Variants in ZC3H6 observed in about 807,000 individuals in gnomAD.
The protein encoded by ZC3H6 is zinc finger CCCH domain-containing protein 6.
In ZC3H6, 40 loss-of-function variants were observed where a neutral mutation model predicts 107.7. The observed-to-expected ratio is 0.37, with a 90% CI of 0.29 to 0.48. The LOEUF (loss-of-function observed/expected upper bound fraction) is 0.48. Among genes scored for constraint, ZC3H6 ranks in the 20% least tolerant of loss-of-function variants. The pLI, the probability that ZC3H6 is intolerant of heterozygous loss-of-function variation, is 0.98. For synonymous variants in ZC3H6, 493 were observed against 487.9 expected (o/e 1.01, Z -0.14); for missense variants, 1,267 against 1,410.4 (o/e 0.90, Z 1.63).
rs974603370 is a variant in ZC3H6, at chr2:112,324,679, T to C, written c.1852+16T>C. Reference sequence around the variant, plus strand: ...AACTCTGGTGGTAAGTTTACTTTTTTGAAATAATTTATTCCTAATTTAAAA... The same window carrying C: ...AACTCTGGTGGTAAGTTTACTTTTTCGAAATAATTTATTCCTAATTTAAAA... On this transcript the variant is annotated intron_variant, in intron 10 of 11. Transcript: ENST00000409871. The C allele has an allele frequency of 2.9e-6, 4 of 1,383,398 alleles. No individual in the cohort carries two copies. Among genetic ancestry groups the C allele is most frequent in the East Asian group, 4.9e-5 (2 of 40,722 alleles). The allele number at this position is 1,383,398 out of a possible 1,614,324, so 85.7% of individuals were successfully genotyped here.
rs192478517 is a variant in ZC3H6, at chr2:112,301,274, C to T, written c.213+1245C>T. Among the ~76,000 whole-genome samples, 3 of 152,282 alleles carry T rather than the reference C, an allele frequency of 2.0e-5. No homozygotes were observed. The East Asian group carries it at 5.8e-4, about 29-fold the overall frequency. On this transcript the variant is annotated intron_variant, in intron 2 of 11. Transcript: ENST00000409871. Reference sequence around the variant, plus strand: ...GCTGAAAAGATCTGGACCTGATGAACCCCAAATATGAATCAACCAAATTCC... The same window carrying T: ...GCTGAAAAGATCTGGACCTGATGAATCCCAAATATGAATCAACCAAATTCC...
intron 3 of ZC3H6, among the ~76,000 whole-genome samples, chr2:112,308,017 G>A (rs1194030983): frequency 1.3e-5 from 2 of 152,142 alleles, no homozygotes; most frequent in Non-Finnish European, 2.9e-5. Context: ...TATAGTCACA[G>A]TTTTAATAAA....
In ZC3H6 at chr2:112,311,786, A is replaced by G. The variant is rs1269795787; in HGVS notation, c.614-18A>G. 3 of 1,589,600 alleles carry G rather than the reference A, an allele frequency of 1.9e-6. No individual in the cohort carries two copies. The highest frequency in any genetic ancestry group is 2.6e-6 in the Non-Finnish European group (3 of 1,167,816). On this transcript the variant is annotated intron_variant, in intron 4 of 11. Coordinates refer to ENST00000409871, the MANE Select transcript of ZC3H6 (RefSeq NM_198581.3). ...TGCTGTTTTTCTTTTAAATTTAAGTACATTTTAACTTTTCTAGGTATTGAA... is the reference window on the plus strand; with the variant it reads ...TGCTGTTTTTCTTTTAAATTTAAGTGCATTTTAACTTTTCTAGGTATTGAA...
intron 2 of ZC3H6, among the ~76,000 whole-genome samples, chr2:112,301,299 C>G (rs990251565): frequency 6.6e-6 from 1 of 152,144 alleles, no homozygotes; most frequent in Non-Finnish European, 1.5e-5. Context: ...AACCAAATTC[C>G]TTTTTATGAC....
chr2:112,303,403 C>A, intron 3 of ZC3H6, 52 bp downstream of exon 3: 1 of 1,395,022 alleles, frequency 7.2e-7, no homozygotes. Context: ...TAAAATGTAC[C>A]ATTTTAACCC....
intron 1 of ZC3H6, among the ~76,000 whole-genome samples, chr2:112,292,450 A>G (rs1462647973): frequency 6.6e-6 from 1 of 152,254 alleles, no homozygotes; most frequent in East Asian, 1.9e-4. Flanking sequence ...GAGACCAGGC[A>G]TTAGAAGACT....
In ZC3H6 at chr2:112,321,939, T is replaced by C. The variant is rs1481834296; in HGVS notation, c.1086+74T>C. The C allele has an allele frequency of 4.7e-6, 3 of 637,668 alleles. No individual in the cohort carries two copies. The African/African-American group carries it at 5.7e-5, about 12-fold the overall frequency. The allele number at this position is 637,668 out of a possible 1,614,324, so 39.5% of individuals were successfully genotyped here. On this transcript the variant is annotated intron_variant, in intron 8 of 11. Transcript: ENST00000409871. ...GACTTGAATCATATTTTATAAGTGATATTTTATGAAACTGCTGAGAAATTG... is the reference window on the plus strand; with the variant it reads ...GACTTGAATCATATTTTATAAGTGACATTTTATGAAACTGCTGAGAAATTG...
At chr2:112,283,911 T>C (rs1686565645) in intron 1 of ZC3H6, among the ~76,000 whole-genome samples, 1 of 152,260 alleles carries the variant, frequency 6.6e-6, no homozygotes, top group Admixed American at 6.5e-5. Flanking sequence ...TCTTAAAATA[T>C]TAAATTTTAA....
intron 10 of ZC3H6, 125 bp downstream of exon 10, chr2:112,324,788 A>T (rs1472337424): frequency 8.4e-7 from 1 of 1,186,854 alleles, no homozygotes; most frequent in African/African-American, 1.6e-5. Context: ...TGAAACCTTA[A>T]AATGTTTTCA....
In ZC3H6 at chr2:112,332,332, A is replaced by T; in HGVS notation, c.3414A>T (p.Thr1138=). 6.2e-7 allele frequency: 1 copy of T among 1,613,986 alleles called. No individual in the cohort carries two copies. Among genetic ancestry groups the T allele is most frequent in the Non-Finnish European group, 8.5e-7 (1 of 1,179,878 alleles). Residue 1138 remains threonine (T), a synonymous_variant, in exon 12 of 12, where the codon ACA becomes ACT. Coordinates refer to ENST00000409871, the MANE Select transcript of ZC3H6 (RefSeq NM_198581.3). ...AVHSLPVQAL[T]GLIRPQYSDP... is the part of the protein sequence containing the mutation. ...ACAGCCTTCCTGTTCAGGCATTAAC[A>T]GGCTTAATTAGGCCACAGTACAGTG...
intron 1 of ZC3H6, among the ~76,000 whole-genome samples, chr2:112,278,845 T>G (rs1686475074): frequency 2.6e-5 from 4 of 152,224 alleles, no homozygotes; most frequent in Admixed American, 2.6e-4. Context: ...GGTCTTGAAC[T>G]CCTGGGCTCC....
chr2:112,297,755 G>C (rs975333475), intron 1 of ZC3H6, among the ~76,000 whole-genome samples: 1 of 152,000 alleles, frequency 6.6e-6, no homozygotes, highest in South Asian at 2.1e-4. Flanking sequence ...CTTGAGTTTT[G>C]TTACTATCTG....
In ZC3H6 at chr2:112,331,556, G is replaced by T. The variant is rs1159990435; in HGVS notation, c.2638G>T (p.Ala880Ser). Residue 880 changes from alanine to serine, a missense_variant, in exon 12 of 12, where the codon GCT (alanine) becomes TCT (serine). Ala to Ser is a moderately conservative substitution (Grantham distance 99). Coordinates refer to ENST00000409871, the MANE Select transcript of ZC3H6 (RefSeq NM_198581.3). ...CAACTTTGCAAAACACATCGTGTGGGCTCCCGAAGACTTACTTCCAGTACC... is the reference window on the plus strand; with the variant it reads ...CAACTTTGCAAAACACATCGTGTGGTCTCCCGAAGACTTACTTCCAGTACC... Reference protein sequence around the residue: ...KPNFAKHIVWAPEDLLPVPLP... With the variant: ...KPNFAKHIVWSPEDLLPVPLP... 1 of 1,613,798 alleles carries T rather than the reference G, an allele frequency of 6.2e-7. No individual in the cohort carries two copies. The highest frequency in any genetic ancestry group is 8.5e-7 in the Non-Finnish European group (1 of 1,179,888).
chr2:112,332,476 A>C lies in ZC3H6; in HGVS notation c.3558A>C (p.Ser1186=). 6.2e-7 allele frequency: 1 copy of C among 1,604,848 alleles called. No homozygotes were observed. Among genetic ancestry groups the C allele is most frequent in the Non-Finnish European group, 8.5e-7 (1 of 1,176,216 alleles). ...TTAAAACTTTTGATCCAACTGCTTC[A>C]CCATTTTGTTAGCTATTGTGTAACT... ...EVFKTFDPTA[S]PFC is the part of the protein sequence containing the mutation. The change falls in exon 12 of 12, where the codon TCA becomes TCC. Residue 1186 remains serine, a synonymous_variant. Transcript: ENST00000409871.
Position 112,297,025 on chromosome 2 carries a change from G to T in ZC3H6, c.33-2824G>T, listed in dbSNP as rs375213659. ...AGCCAGGTGAAAGAGGTGTGGTGAG[G>T]CTGGTGACATGAGCTGGGCATTGAG... On this transcript the variant is annotated intron_variant, in intron 1 of 11. Coordinates refer to ENST00000409871, the MANE Select transcript of ZC3H6 (RefSeq NM_198581.3). Among the ~76,000 whole-genome samples, 88 of 152,324 alleles carry T rather than the reference G, an allele frequency of 5.8e-4. 2 individuals are homozygous for T. The South Asian group carries it at 0.017, about 30-fold the overall frequency.
chr2:112,291,213 A>T (rs1676107300), intron 1 of ZC3H6, among the ~76,000 whole-genome samples: 1 of 152,148 alleles, frequency 6.6e-6, no homozygotes, highest in East Asian at 1.9e-4. Context: ...GATTATTTAC[A>T]TATTTTATAG....
intron 1 of ZC3H6, among the ~76,000 whole-genome samples, chr2:112,284,937 A>G (rs1438395998): frequency 6.6e-6 from 1 of 152,220 alleles, no homozygotes; most frequent in Non-Finnish European, 1.5e-5. Context: ...AAAAAAATTC[A>G]TGGTATAAAA....
intron 1 of ZC3H6, among the ~76,000 whole-genome samples, chr2:112,276,363 C>G (rs1387634757): frequency 2.0e-5 from 3 of 151,698 alleles, no homozygotes; most frequent in African/African-American, 7.3e-5. Flanking sequence ...TCTGCCCGTC[C>G]AGGTGTCGGT....
intron 5 of ZC3H6, among the ~76,000 whole-genome samples, chr2:112,313,269 G>A (rs1172739637): frequency 6.6e-6 from 1 of 152,054 alleles, no homozygotes; most frequent in Non-Finnish European, 1.5e-5. Context: ...GAATTACTAT[G>A]GTTATTATTT....
Sources: allele counts gnomAD v4.1 joint callset (sites outside exome capture counted in the v4.1 genomes callset), GRCh38; gene constraint gnomAD v4.1.1; transcripts MANE v1.5; gene names NCBI Gene and HGNC (gene_info 2026-07-23, HGNC 2026-07-21).